The following HVCN1 variants were observed in gnomAD, a reference collection of about 807,000 sequenced individuals.
The protein encoded by HVCN1 is voltage-gated hydrogen channel 1.
Under a neutral mutation model 29.2 loss-of-function variants are expected in HVCN1, and 14 were observed. The ratio of observed to expected loss-of-function variants is 0.48; its 90% CI spans 0.32 to 0.75. HVCN1 has a LOEUF of 0.75. Ranked by LOEUF, HVCN1 falls within the 30% of genes least tolerant of loss-of-function variation. The pLI is 0.04. For missense variants in HVCN1, 263 were observed against 341.8 expected, an observed-to-expected ratio of 0.77 and a Z score of 1.82; for synonymous variants, 131 against 133.2, an observed-to-expected ratio of 0.98 and a Z score of 0.11.
At chr12:110,688,951 A>C (rs2069307738) in intron 1 of HVCN1, 129 bp downstream of exon 1, 1 of 150,680 alleles carries the variant, frequency 6.6e-6, no homozygotes, top group Non-Finnish European at 1.5e-5. Flanking sequence ...CTGGGGCTCC[A>C]CGGCGAGGCC....
At chr12:110,687,262 C>T (rs1038116695) in intron 2 of HVCN1, among the ~76,000 whole-genome samples, 2 of 149,768 alleles carry the variant, frequency 1.3e-5, no homozygotes, top group Admixed American at 6.6e-5. Flanking sequence ...ACCACACCCC[C>T]CCCCCCCAGC....
intron 2 of HVCN1, among the ~76,000 whole-genome samples, chr12:110,697,872 G>A (rs1272519166): frequency 6.6e-6 from 1 of 152,030 alleles, no homozygotes; most frequent in African/African-American, 2.4e-5. Flanking sequence ...GACTGGTCTC[G>A]AACTCCTGAC....
At chr12:110,670,995 T>C (rs1345868832) in intron 3 of HVCN1, among the ~76,000 whole-genome samples, 1 of 151,914 alleles carries the variant, frequency 6.6e-6, no homozygotes, top group African/African-American at 2.4e-5. Flanking sequence ...AGTTCAAGAC[T>C]AGCATGGCCA....
upstream of HVCN1, among the ~76,000 whole-genome samples, chr12:110,692,339 C>A (rs2069420919): frequency 6.6e-6 from 1 of 152,158 alleles, no homozygotes. Flanking sequence ...TGTGGTAGGC[C>A]CTTTCAAGGT....
Position 110,655,275 on chromosome 12 carries a change from G to A in HVCN1, c.370C>T (p.Leu124=). The change falls in exon 5 of 8, where the codon CTG becomes TTG. Residue 124 remains leucine, a synonymous_variant. Transcript: ENST00000242607. The part of the protein sequence containing the change: ...LLVLAELILD[L]KIIQPDKNNY... Reference sequence around the variant, plus strand: ...TTCTTGTCGGGCTGGATGATCTTCAGGTCCAGGATGAGCTCAGCAAGCACC... The same window carrying A: ...TTCTTGTCGGGCTGGATGATCTTCAAGTCCAGGATGAGCTCAGCAAGCACC... 4 of 1,613,802 alleles carry A rather than the reference G, an allele frequency of 2.5e-6. No homozygotes were observed. The Middle Eastern group carries it at 4.9e-4, about 200-fold the overall frequency.
chr12:110,680,711 G>A (rs1181145570), intron 3 of HVCN1, among the ~76,000 whole-genome samples: 2 of 152,116 alleles, frequency 1.3e-5, no homozygotes, highest in East Asian at 3.9e-4. Context: ...GAGGCCAGGA[G>A]TTCGAGACCA....
intron 3 of HVCN1, among the ~76,000 whole-genome samples, chr12:110,662,525 C>T (rs2136304578): frequency 6.6e-6 from 1 of 152,242 alleles, no homozygotes; most frequent in African/African-American, 2.4e-5. Context: ...GCCAACATGG[C>T]AAGACCCCAT....
intron 3 of HVCN1, among the ~76,000 whole-genome samples, chr12:110,664,352 G>A (rs1430772305): frequency 6.6e-6 from 1 of 152,174 alleles, no homozygotes; most frequent in Non-Finnish European, 1.5e-5. Context: ...CCTAAAAAAT[G>A]TTGACTGTAA....
intron 5 of HVCN1, 92 bp downstream of exon 5, chr12:110,655,142 G>A: frequency 2.3e-6 from 2 of 857,866 alleles, no homozygotes; most frequent in African/African-American, 1.6e-5. Context: ...TACTCCAAGT[G>A]GGGTGTCAGC....
chr12:110,662,093 C>T (rs2068194378), intron 3 of HVCN1, among the ~76,000 whole-genome samples: 1 of 152,126 alleles, frequency 6.6e-6, no homozygotes, highest in Non-Finnish European at 1.5e-5. Flanking sequence ...GAGCAGGCTA[C>T]ATGACTACTG....
chr12:110,649,774 C>T (rs549138169), intron 7 of HVCN1, among the ~76,000 whole-genome samples: 1 of 152,206 alleles, frequency 6.6e-6, no homozygotes, highest in African/African-American at 2.4e-5. Context: ...AGGCTCAGCC[C>T]AGGGAAGGGC....
chr12:110,659,895 G>A (rs985606347), intron 4 of HVCN1, among the ~76,000 whole-genome samples: 3 of 151,180 alleles, frequency 2.0e-5, no homozygotes, highest in Admixed American at 1.3e-4. Flanking sequence ...GTGAAACCCC[G>A]TCTCTACCAA....
intron 3 of HVCN1, among the ~76,000 whole-genome samples, chr12:110,673,100 G>A (rs927396900): frequency 2.6e-5 from 4 of 152,324 alleles, no homozygotes; most frequent in East Asian, 1.9e-4. Context: ...GTGGGAAAGC[G>A]TGGAACTTCC....
intron 5 of HVCN1, among the ~76,000 whole-genome samples, chr12:110,652,363 C>CA (rs1183236283): frequency 2.0e-5 from 3 of 152,152 alleles, no homozygotes; most frequent in Non-Finnish European, 4.4e-5. Context: ...TGCACTCCAG[C>CA]CTGGGTGACA....
At chr12:110,690,319 T>C (rs2069374944), upstream of HVCN1, among the ~76,000 whole-genome samples, 1 of 152,188 alleles carries the variant, frequency 6.6e-6, no homozygotes, top group Non-Finnish European at 1.5e-5. Flanking sequence ...CATAGCCACA[T>C]GTGCAAAGTC....
chr12:110,697,568 C>T (rs1026501291), intron 2 of HVCN1, among the ~76,000 whole-genome samples: 1 of 152,034 alleles, frequency 6.6e-6, no homozygotes, highest in Non-Finnish European at 1.5e-5. Context: ...CTGGAGTCCC[C>T]CCAAGACTAG....
chr12:110,660,742 T>C (rs1193242446), intron 4 of HVCN1, among the ~76,000 whole-genome samples: 1 of 152,216 alleles, frequency 6.6e-6, no homozygotes, highest in East Asian at 1.9e-4. Context: ...CCTGTCTCTA[T>C]GGATTTGCCT....
chr12:110,698,691 C>T lies in HVCN1; in HGVS notation c.-104+3618G>A, dbSNP rs571170615. ...GACTTCCAGGAGTTTCCTCCTCCTG[C>T]GTCTCCTTCCTCTGGACAAGGCCCA... On this transcript the variant is annotated intron_variant, in intron 2 of 4. Transcript: ENST00000546713. 3.5e-4 allele frequency among the ~76,000 whole-genome samples: 53 copies of T among 152,350 alleles called. No homozygotes were observed. The Middle Eastern group carries it at 0.01, about 29-fold the overall frequency.
At chr12:110,669,062 C>T (rs2068476644) in intron 3 of HVCN1, among the ~76,000 whole-genome samples, 1 of 151,962 alleles carries the variant, frequency 6.6e-6, no homozygotes, top group Admixed American at 6.6e-5. Context: ...TCAAAGACTC[C>T]AGTCTGATGT....
Sources: allele counts gnomAD v4.1 joint callset (sites outside exome capture counted in the v4.1 genomes callset), GRCh38; gene constraint gnomAD v4.1.1; transcripts MANE v1.5; gene names NCBI Gene and HGNC (gene_info 2026-07-23, HGNC 2026-07-21).